Variants in ACOXL observed in about 807,000 individuals in gnomAD.
ACOXL encodes acyl-CoA oxidase like.
A neutral mutation model predicts 71.9 loss-of-function variants in ACOXL; 70 were observed. The ratio of observed to expected loss-of-function variants is 0.97; its 90% CI spans 0.80 to 1.19. The LOEUF (loss-of-function observed/expected upper bound fraction) is 1.19. Among genes scored for constraint, ACOXL ranks in the 50% most tolerant of loss-of-function variants. The pLI is 0.00. For synonymous variants in ACOXL, 253 were observed against 281.6 expected (o/e 0.90, Z 1.02); for missense variants, 703 against 736.3 (o/e 0.95, Z 0.52).
chr2:110,966,228 A>C (rs2061921915), intron 12 of ACOXL, among the ~76,000 whole-genome samples: 1 of 152,084 alleles, frequency 6.6e-6, no homozygotes, highest in African/African-American at 2.4e-5. Context: ...TCCCCACCAG[A>C]GTAGTGTCAG....
At chr2:111,024,009 G>C (rs1173861037) in intron 14 of ACOXL, among the ~76,000 whole-genome samples, 1 of 152,178 alleles carries the variant, frequency 6.6e-6, no homozygotes, top group Non-Finnish European at 1.5e-5. Context: ...AGGTCAAGGA[G>C]GGACTGTGAT....
chr2:111,069,091 T>C (rs2067209278), intron 16 of ACOXL, among the ~76,000 whole-genome samples: 1 of 152,022 alleles, frequency 6.6e-6, no homozygotes. Context: ...TCTCGCTATG[T>C]CCTGGCCTTT....
At chr2:110,943,418 G>C (rs560465127) in intron 12 of ACOXL, among the ~76,000 whole-genome samples, 2 of 152,262 alleles carry the variant, frequency 1.3e-5, no homozygotes, top group African/African-American at 4.8e-5. Context: ...AATCCCATTA[G>C]GGGATTTGAA....
At position 110,932,808 on chromosome 2, in the gene ACOXL, A is replaced by G. The variant is rs1433656156; in HGVS notation, c.906-681A>G. ...CAGTGAGGCCTGTAAATGGATTGGA[A>G]GAAAAGTTAACTTGGACAGAAAGCA... On this transcript the variant is annotated intron_variant, in intron 11 of 17. Transcript: ENST00000439055. Among the ~76,000 whole-genome samples the G allele has an allele frequency of 1.3e-5, 2 of 152,222 alleles. 1 individual carries two copies. Among genetic ancestry groups the G allele is most frequent in the Non-Finnish European group, 2.9e-5 (2 of 68,042 alleles).
At chr2:111,079,780 C>T (rs2067798802) in intron 16 of ACOXL, among the ~76,000 whole-genome samples, 1 of 151,366 alleles carries the variant, frequency 6.6e-6, no homozygotes, top group Admixed American at 6.6e-5. Flanking sequence ...CTCTATGTTA[C>T]CCAGAACCAG....
chr2:110,900,136 CT>C (rs925271903), intron 10 of ACOXL, among the ~76,000 whole-genome samples: 1 of 123,694 alleles, frequency 8.1e-6, no homozygotes, highest in Admixed American at 8.1e-5. Context: ...CACACTTCTT[CT>C]AAAAAAGTCA....
intron 16 of ACOXL, among the ~76,000 whole-genome samples, chr2:111,064,431 A>G (rs1159122819): frequency 4.0e-5 from 5 of 125,576 alleles, no homozygotes; most frequent in Non-Finnish European, 6.6e-5. Flanking sequence ...GCGACACTCC[A>G]TCTCAAAAAA....
At chr2:110,761,104 TG>T (rs1490906042) in intron 1 of ACOXL, among the ~76,000 whole-genome samples, 1 of 152,268 alleles carries the variant, frequency 6.6e-6, no homozygotes, top group African/African-American at 2.4e-5. Context: ...ATAATTGCAT[TG>T]GCAAATACCA....
chr2:110,834,427 G>T (rs1690205363), intron 9 of ACOXL, among the ~76,000 whole-genome samples: 2 of 152,174 alleles, frequency 1.3e-5, no homozygotes, highest in Non-Finnish European at 1.5e-5. Flanking sequence ...TAATTCTTTT[G>T]TTTGAAACGT....
chr2:110,869,809 A>C (rs1558648267), intron 10 of ACOXL, among the ~76,000 whole-genome samples: 1 of 152,206 alleles, frequency 6.6e-6, no homozygotes, highest in Non-Finnish European at 1.5e-5. Flanking sequence ...TGGCCACAGA[A>C]GACTCCTCCT....
chr2:110,747,904 C>T (rs1044659046), intron 1 of ACOXL, among the ~76,000 whole-genome samples: 1 of 152,154 alleles, frequency 6.6e-6, no homozygotes, highest in Non-Finnish European at 1.5e-5. Flanking sequence ...TCCTGGGGGC[C>T]TCCTCTCTCT....
At chr2:110,853,019 G>A (rs557338169) in intron 10 of ACOXL, among the ~76,000 whole-genome samples, 8 of 152,294 alleles carry the variant, frequency 5.3e-5, no homozygotes, top group African/African-American at 1.7e-4. Flanking sequence ...TCCATACAAT[G>A]TTCCTCCTCC....
intron 10 of ACOXL, chr2:110,887,040 C>T (rs934615145): frequency 1.2e-4 from 76 of 632,178 alleles, no homozygotes; most frequent in African/African-American, 9.9e-4. Flanking sequence ...GCTGGCCTGG[C>T]GTCCACGGGT....
chr2:110,848,573 C>G (rs1692196523), intron 10 of ACOXL, among the ~76,000 whole-genome samples: 3 of 152,138 alleles, frequency 2.0e-5, no homozygotes, highest in East Asian at 1.9e-4. Context: ...TGTGGATTTG[C>G]TAGGAGAAGG....
At chr2:111,005,077 G>A (rs1485453729) in intron 14 of ACOXL, among the ~76,000 whole-genome samples, 2 of 152,208 alleles carry the variant, frequency 1.3e-5, no homozygotes, top group African/African-American at 2.4e-5. Context: ...ATGGAAGGAT[G>A]AGAATACAGA....
intron 15 of ACOXL, among the ~76,000 whole-genome samples, 171 bp from the exon 16 acceptor site, chr2:111,049,046 TA>T (rs982149044): frequency 3.3e-5 from 5 of 152,116 alleles, no homozygotes; most frequent in African/African-American, 1.2e-4. Flanking sequence ...GAAGTCACTG[TA>T]CGGGGGCCCC....
At chr2:110,773,308 G>A (rs1028064691) in intron 2 of ACOXL, among the ~76,000 whole-genome samples, 6 of 152,208 alleles carry the variant, frequency 3.9e-5, no homozygotes, top group African/African-American at 1.4e-4. Flanking sequence ...CACCTTAGAA[G>A]GTGTTTGGGA....
At chr2:110,888,866 A>G (rs1697622641) in intron 10 of ACOXL, among the ~76,000 whole-genome samples, 1 of 152,230 alleles carries the variant, frequency 6.6e-6, no homozygotes, top group African/African-American at 2.4e-5. Flanking sequence ...GTCTGGGGTA[A>G]AACTGTGACA....
intron 10 of ACOXL, among the ~76,000 whole-genome samples, chr2:110,882,618 A>G (rs1696801079): frequency 6.6e-6 from 1 of 152,172 alleles, no homozygotes; most frequent in African/African-American, 2.4e-5. Flanking sequence ...TTTTACATTT[A>G]AGTTAATGGC....
Sources: gnomAD v4.1 joint callset for allele counts (sites outside exome capture counted in the v4.1 genomes callset) on GRCh38, gnomAD v4.1.1 for gene constraint, MANE v1.5 for transcripts, NCBI Gene and HGNC (gene_info 2026-07-23, HGNC 2026-07-21) for gene names.